KDM4C: variants seen among roughly 807,000 people sequenced by gnomAD.
KDM4C encodes lysine demethylase 4C.
In KDM4C, 81 loss-of-function variants were observed where a neutral mutation model predicts 129.3. The ratio of observed to expected loss-of-function variants is 0.63; its 90% CI spans 0.52 to 0.75. The LOEUF (loss-of-function observed/expected upper bound fraction) is 0.75. Among genes scored for constraint, KDM4C ranks in the 30% least tolerant of loss-of-function variants. The probability of loss-of-function intolerance (pLI) is 0.00; values close to 1 mark genes in which losing one functional copy is unlikely to be tolerated. For synonymous variants in KDM4C, 573 were observed against 456.1 expected, an observed-to-expected ratio of 1.26 and a Z score of -3.26; for missense variants, 1,457 against 1,304.0, an observed-to-expected ratio of 1.12 and a Z score of -1.81.
chr9:6,919,223 CTTCT>C (rs1554643688), intron 8 of KDM4C, among the ~76,000 whole-genome samples: 46 of 109,034 alleles, frequency 4.2e-4, no homozygotes, highest in Middle Eastern at 5.3e-3. Context: ...TTTCTTTTTC[CTTCT>C]TTCTTTCTTT....
chr9:6,735,635 C>G (rs974894632), intron 1 of KDM4C, among the ~76,000 whole-genome samples: 5 of 152,198 alleles, frequency 3.3e-5, no homozygotes, highest in African/African-American at 2.4e-5. Context: ...TGCCTTGCTC[C>G]TCCTTGCCTT....
At chr9:6,789,818 C>A (rs1826188566) in intron 1 of KDM4C, among the ~76,000 whole-genome samples, 2 of 152,208 alleles carry the variant, frequency 1.3e-5, no homozygotes, top group South Asian at 4.2e-4. Flanking sequence ...TGCAGGCCCC[C>A]TCCCTGAGGC....
rs1367990481 is a variant in KDM4C at position 6,952,441 on chromosome 9, A to G, written c.922-28484A>G. Among the ~76,000 whole-genome samples, 4 of 149,372 alleles carry G rather than the reference A, an allele frequency of 2.7e-5. No individual in the cohort carries two copies. The East Asian group carries it at 7.8e-4, about 29-fold the overall frequency. On this transcript the variant is annotated intron_variant, in intron 8 of 21. Transcript: ENST00000381309. ...TATATATATATATATAATAATAATT[A>G]TTATTATATGTTTTTTTGAGATGGA...
At chr9:7,158,955 A>G (rs946991440) in intron 19 of KDM4C, among the ~76,000 whole-genome samples, 7 of 152,128 alleles carry the variant, frequency 4.6e-5, no homozygotes, top group African/African-American at 9.7e-5. Context: ...AAAGTCTCCC[A>G]TTATTATTGT....
chr9:6,982,093 C>T (rs1420014858), intron 9 of KDM4C: 1 of 151,798 alleles, frequency 6.6e-6, no homozygotes, highest in Admixed American at 6.6e-5. Context: ...TGATTTGCTG[C>T]AACATGATTT....
chr9:6,808,686 T>C (rs1213469949), intron 3 of KDM4C, among the ~76,000 whole-genome samples: 1 of 116,464 alleles, frequency 8.6e-6, no homozygotes, highest in African/African-American at 3.4e-5. Context: ...CCAAGAATTA[T>C]CAATAAAAAA....
chr9:7,041,114 G>A (rs1828527125), intron 15 of KDM4C, among the ~76,000 whole-genome samples: 1 of 151,418 alleles, frequency 6.6e-6, no homozygotes, highest in African/African-American at 2.4e-5. Flanking sequence ...ATCCATGGGT[G>A]GATATGTGGA....
chr9:7,154,274 G>C (rs1166313910), intron 19 of KDM4C, among the ~76,000 whole-genome samples: 1 of 152,206 alleles, frequency 6.6e-6, no homozygotes, highest in African/African-American at 2.4e-5. Flanking sequence ...GATTATCTCT[G>C]GAAACGATAG....
At position 7,169,799 on chromosome 9, in the gene KDM4C, T is replaced by C. The variant is rs1844774058; in HGVS notation, c.2903T>C (p.Val968Ala). 6.3e-7 allele frequency: 1 copy of C among 1,598,414 alleles called. No homozygotes were observed. Among genetic ancestry groups the C allele is most frequent in the Non-Finnish European group, 8.6e-7 (1 of 1,167,398 alleles). ...TCATGTTATATTATCTTTCATTAGG[T>C]TGAGTTTGAAGATGGATCCCAGATA... ...FGSNIAHMYQ[V>A]EFEDGSQIAM... Residue 968 changes from valine (V) to alanine (A), a missense_variant and splice_region_variant, in exon 21 of 22, where the codon GTT becomes GCT. Coordinates refer to ENST00000381309, the MANE Select transcript of KDM4C (RefSeq NM_015061.6).
upstream of KDM4C, among the ~76,000 whole-genome samples, chr9:6,756,448 G>GGCTC (rs1341993071): frequency 6.6e-6 from 1 of 152,352 alleles, no homozygotes; most frequent in East Asian, 1.9e-4. Flanking sequence ...CGGGTGAAGT[G>GGCTC]GCTCACGCCT....
chr9:7,163,103 C>T (rs943602025), intron 19 of KDM4C, among the ~76,000 whole-genome samples: 1 of 152,066 alleles, frequency 6.6e-6, no homozygotes, highest in African/African-American at 2.4e-5. Flanking sequence ...AGTGCAGGTT[C>T]TCTGTCTGCA....
chr9:7,024,291 T>G (rs967754498), intron 15 of KDM4C, among the ~76,000 whole-genome samples: 39 of 149,004 alleles, frequency 2.6e-4, no homozygotes, highest in African/African-American at 9.1e-4. Context: ...ATGTTTTCGT[T>G]TTTTTTTTTT....
At chr9:7,034,138 T>C (rs2132397272) in intron 15 of KDM4C, among the ~76,000 whole-genome samples, 2 of 152,312 alleles carry the variant, frequency 1.3e-5, no homozygotes, top group East Asian at 3.9e-4. Flanking sequence ...GGTGTTTCAG[T>C]ACATACAATG....
At chr9:7,119,038 G>C (rs1018689635) in intron 18 of KDM4C, among the ~76,000 whole-genome samples, 1 of 152,138 alleles carries the variant, frequency 6.6e-6, no homozygotes, top group African/African-American at 2.4e-5. Context: ...AAAACTCAGT[G>C]GGGAGAAATG....
intron 9 of KDM4C, chr9:6,981,902 A>G (rs1042666662): frequency 4.0e-6 from 1 of 249,766 alleles, no homozygotes; most frequent in African/African-American, 2.2e-5. Context: ...AGAATAATGA[A>G]GGAATCCCAT....
chr9:7,010,167 A>T (rs1294038011), intron 12 of KDM4C, among the ~76,000 whole-genome samples: 2 of 152,186 alleles, frequency 1.3e-5, no homozygotes, highest in African/African-American at 4.8e-5. Flanking sequence ...TTTTGCTATT[A>T]TGGTGAGGCC....
Position 7,011,823 on chromosome 9 carries a change from G to C in KDM4C, c.1912G>C (p.Val638Leu), listed in dbSNP as rs752382162. The part of the protein sequence containing the change: ...FAAEQEYNAT[V>L]ARMKPHCAIC... ...AGCTGAGCAAGAGTATAATGCAACA[G>C]TGGCCAGGATGAAGCCACACTGTGC... The change falls in exon 13 of 22, where the codon GTG becomes CTG. Residue 638 changes from valine (V) to leucine (L), a missense_variant. Coordinates refer to ENST00000381309, the MANE Select transcript of KDM4C (RefSeq NM_015061.6). 2.6e-5 allele frequency: 42 copies of C among 1,614,026 alleles called. No homozygotes were observed. The highest frequency in any genetic ancestry group is 3.1e-5 in the Non-Finnish European group (36 of 1,180,016).
intron 19 of KDM4C, among the ~76,000 whole-genome samples, chr9:7,149,065 T>G (rs1000145900): frequency 6.6e-6 from 1 of 152,214 alleles, no homozygotes; most frequent in African/African-American, 2.4e-5. Context: ...CAACTGCCAC[T>G]TATGGCACCC....
At chr9:6,963,635 G>C (rs1408030560) in intron 8 of KDM4C, among the ~76,000 whole-genome samples, 1 of 152,190 alleles carries the variant, frequency 6.6e-6, no homozygotes, top group Non-Finnish European at 1.5e-5. Flanking sequence ...GGAGAGACAG[G>C]ACATCTGAGT....
Sources: allele counts gnomAD v4.1 joint callset (sites outside exome capture counted in the v4.1 genomes callset), GRCh38; gene constraint gnomAD v4.1.1; transcripts MANE v1.5; gene names NCBI Gene and HGNC (gene_info 2026-07-23, HGNC 2026-07-21).